IL6R: variants seen among roughly 807,000 people sequenced by gnomAD.
IL6R encodes interleukin 6 receptor.
A neutral mutation model predicts 48.3 loss-of-function variants in IL6R; 38 were observed. That is an observed-to-expected ratio of 0.79 (90% CI 0.61 to 1.03). The LOEUF (loss-of-function observed/expected upper bound fraction) is 1.03, where lower values mean the gene tolerates loss of function less well. IL6R is among the 50% of genes least tolerant of loss of function. The pLI, the probability that IL6R is intolerant of heterozygous loss-of-function variation, is 0.00. For missense variants in IL6R, 534 were observed against 618.3 expected (o/e 0.86, Z 1.45); for synonymous variants, 264 against 256.2 (o/e 1.03, Z -0.29).
At position 154,448,162 on chromosome 1, in the gene IL6R, C is replaced by T. The variant is rs375336435; in HGVS notation, c.987C>T (p.Thr329=). The change falls in exon 7 of 10, where the codon ACC becomes ACT. Residue 329 remains threonine (T), a synonymous_variant. Transcript: ENST00000368485. ...CTCCAGCTGAGAACGAGGTGTCCAC[C>T]CCCATGCAGGTGAGCTCCTGTTCTT... The part of the protein sequence containing the change: ...RSPPAENEVS[T]PMQALTTNKD... The T allele has an allele frequency of 6.2e-7, 1 of 1,613,470 alleles. No individual in the cohort carries two copies. Among genetic ancestry groups the T allele is most frequent in the Non-Finnish European group, 8.5e-7 (1 of 1,179,600 alleles).
chr1:154,417,275 C>T (rs931619063), intron 1 of IL6R, among the ~76,000 whole-genome samples: 1 of 151,702 alleles, frequency 6.6e-6, no homozygotes, highest in African/African-American at 2.4e-5. Flanking sequence ...GGTCCTGACA[C>T]CATGCACTGC....
chr1:154,419,768 G>A (rs1346349338), intron 1 of IL6R, among the ~76,000 whole-genome samples: 1 of 152,248 alleles, frequency 6.6e-6, no homozygotes, highest in Non-Finnish European at 1.5e-5. Context: ...CAAGAGAGTT[G>A]AGAAATATGT....
rs543308553 is a variant in IL6R, at chr1:154,469,262, T to C, written c.*3882T>C. The stretch of plus-strand genomic sequence containing the variant: ...TAGAATACCTCAACTCTACGTTGTT[T>C]TCTTGGAGATAAATAATAGTTTCAA... On this transcript the variant is annotated 3_prime_UTR_variant, in exon 10 of 10. Coordinates refer to ENST00000368485, the MANE Select transcript of IL6R (RefSeq NM_000565.4). 6.6e-6 allele frequency: 1 copy of C among 152,344 alleles called. No homozygotes were observed. Among genetic ancestry groups the C allele is most frequent in the African/African-American group, 2.4e-5 (1 of 41,556 alleles). 9.4% of individuals were successfully genotyped at this position (152,344 alleles called of 1,614,324 possible).
chr1:154,444,942 C>T, intron 6 of IL6R: 1 of 405,264 alleles, frequency 2.5e-6, no homozygotes, highest in South Asian at 1.7e-5. Context: ...CACACCCGCC[C>T]CCCCCAAATG....
chr1:154,435,991 G>A lies in IL6R; in HGVS notation c.830G>A (p.Cys277Tyr). 6.2e-7 allele frequency: 1 copy of A among 1,610,308 alleles called. No individual in the cohort carries two copies. The highest frequency in any genetic ancestry group is 8.5e-7 in the Non-Finnish European group (1 of 1,177,364). ...CAGGTCAAGGACCTCCAGCATCACT[G>A]TGTCATCCACGACGCCTGGAGCGGC... ...TWMVKDLQHH[C>Y]VIHDAWSGLR... Residue 277 changes from cysteine (C) to tyrosine (Y), a missense_variant, in exon 6 of 10, where the codon TGT (cysteine) becomes TAT (tyrosine). By Grantham distance (194) the Cys-to-Tyr change is radical. Transcript: ENST00000368485.
At position 154,465,239 on chromosome 1, in the gene IL6R, A is replaced by T. The variant is rs1471126539; in HGVS notation, c.1266A>T (p.Pro422=). The part of the protein sequence containing the change: ...QLVPERPRPT[P]VLVPLISPPV... ...TCCCGGAGAGGCCTCGACCCACCCC[A>T]GTGCTTGTTCCTCTCATCTCCCCAC... Residue 422 remains proline, a synonymous_variant, in exon 10 of 10, where the codon CCA becomes CCT. Coordinates refer to ENST00000368485, the MANE Select transcript of IL6R (RefSeq NM_000565.4). 1 of 1,614,006 alleles carries T rather than the reference A, an allele frequency of 6.2e-7. No homozygotes were observed. The highest frequency in any genetic ancestry group is 8.5e-7 in the Non-Finnish European group (1 of 1,180,012).
chr1:154,427,694 TGTCCCTGGACTG>T (rs1570947893), intron 1 of IL6R, among the ~76,000 whole-genome samples: 1 of 152,188 alleles, frequency 6.6e-6, no homozygotes, highest in East Asian at 1.9e-4. Context: ...TCTATGTCTC[TGTCCCTGGACTG>T]TGGCCAGTAG....
At chr1:154,440,059 T>C (rs532054780) in intron 6 of IL6R, among the ~76,000 whole-genome samples, 1 of 152,142 alleles carries the variant, frequency 6.6e-6, no homozygotes, top group African/African-American at 2.4e-5. Flanking sequence ...CCTGCCACCA[T>C]GCCTGGCTAA....
intron 9 of IL6R, among the ~76,000 whole-genome samples, chr1:154,460,429 G>A (rs202007471): frequency 6.6e-6 from 1 of 151,286 alleles, no homozygotes; most frequent in African/African-American, 2.4e-5. Context: ...CAGTTACTTT[G>A]AAAAAAAAAC....
At chr1:154,407,489 C>T (rs1045021851) in intron 1 of IL6R, among the ~76,000 whole-genome samples, 4 of 152,134 alleles carry the variant, frequency 2.6e-5, no homozygotes, top group African/African-American at 9.7e-5. Flanking sequence ...GAAAGTCCTC[C>T]CAGCTCAGAA....
At chr1:154,430,716 C>A in intron 3 of IL6R, 110 bp downstream of exon 3, 1 of 1,415,042 alleles carries the variant, frequency 7.1e-7, no homozygotes, top group Non-Finnish European at 9.8e-7. Flanking sequence ...GAATTAATTC[C>A]TTCAGGCTGA....
At chr1:154,445,180 T>C in intron 6 of IL6R, 1 of 450,640 alleles carries the variant, frequency 2.2e-6, no homozygotes. Flanking sequence ...GAGCTGTCTG[T>C]TGGGTGGTTT....
At chr1:154,410,626 C>T (rs1016171884) in intron 1 of IL6R, among the ~76,000 whole-genome samples, 6 of 152,110 alleles carry the variant, frequency 3.9e-5, no homozygotes, top group African/African-American at 1.4e-4. Context: ...GTCAAAAGTC[C>T]CTGGCAAAGG....
rs1393806703 is a variant in IL6R, at chr1:154,429,233, C to A, written c.123C>A (p.Asp41Glu). The A allele has an allele frequency of 6.2e-7, 1 of 1,613,886 alleles. No homozygotes were observed. Among genetic ancestry groups the A allele is most frequent in the Non-Finnish European group, 8.5e-7 (1 of 1,179,792 alleles). ...GCGTGCTGACCAGTCTGCCAGGAGA[C>A]AGCGTGACTCTGACCTGCCCGGGGG... Reference protein sequence around the residue: ...ARGVLTSLPGDSVTLTCPGVE... With the variant: ...ARGVLTSLPGESVTLTCPGVE... The change falls in exon 2 of 10, where the codon GAC becomes GAA. Residue 41 changes from aspartate to glutamate, a missense_variant. Asp to Glu is a conservative substitution (Grantham distance 45, BLOSUM62 2). Coordinates refer to ENST00000368485, the MANE Select transcript of IL6R (RefSeq NM_000565.4).
chr1:154,429,123 G>A (rs1486447743), intron 1 of IL6R, 73 bp from the exon 2 acceptor site: 1 of 1,521,432 alleles, frequency 6.6e-7, no homozygotes, highest in Admixed American at 1.9e-5. Context: ...GCCTCTCGTG[G>A]CTTCCTCAGA....
chr1:154,439,439 C>T (rs888874058), intron 6 of IL6R, among the ~76,000 whole-genome samples: 3 of 151,790 alleles, frequency 2.0e-5, no homozygotes, highest in East Asian at 1.9e-4. Context: ...CTCAGCCTCC[C>T]GAGTAGCTGG....
chr1:154,422,292 C>G (rs1688715719), intron 1 of IL6R, among the ~76,000 whole-genome samples: 1 of 152,220 alleles, frequency 6.6e-6, no homozygotes, highest in African/African-American at 2.4e-5. Flanking sequence ...TGGAATGTAA[C>G]TCCCTGTGGC....
intron 9 of IL6R, among the ~76,000 whole-genome samples, chr1:154,462,993 A>G (rs1571018455): frequency 6.6e-6 from 1 of 151,116 alleles, no homozygotes; most frequent in Non-Finnish European, 1.5e-5. Flanking sequence ...TAGTAGAGAC[A>G]GGGTTTTGCC....
intron 8 of IL6R, among the ~76,000 whole-genome samples, chr1:154,452,973 G>C (rs1034384061): frequency 6.6e-6 from 1 of 152,166 alleles, no homozygotes; most frequent in African/African-American, 2.4e-5. Flanking sequence ...GGGAGGCCGA[G>C]GTGGGCGGAT....
Sources: allele counts gnomAD v4.1 joint callset (sites outside exome capture counted in the v4.1 genomes callset), GRCh38; gene constraint gnomAD v4.1.1; transcripts MANE v1.5; gene names NCBI Gene and HGNC (gene_info 2026-07-23, HGNC 2026-07-21).